PSD3: variants seen among roughly 807,000 people sequenced by gnomAD.
PSD3 encodes PH and SEC7 domain-containing protein 3.
A neutral mutation model predicts 105.5 loss-of-function variants in PSD3; 49 were observed. The ratio of observed to expected loss-of-function variants is 0.46; its 90% CI spans 0.37 to 0.59. The LOEUF (loss-of-function observed/expected upper bound fraction) is 0.59. Ranked by LOEUF, PSD3 falls within the 20% of genes least tolerant of loss-of-function variation. The pLI is 0.00. For missense variants in PSD3, 1,561 were observed against 1,263.8 expected (o/e 1.24, Z -3.57); for synonymous variants, 557 against 457.8 (o/e 1.22, Z -2.77).
chr8:18,901,236 A>T (rs1435775314), intron 2 of PSD3, among the ~76,000 whole-genome samples: 2 of 152,280 alleles, frequency 1.3e-5, no homozygotes, highest in African/African-American at 4.8e-5. Context: ...ATCTCCCAAA[A>T]AATTAAACAA....
intron 4 of PSD3, among the ~76,000 whole-genome samples, chr8:18,851,581 A>T (rs1371395221): frequency 6.6e-6 from 1 of 152,234 alleles, no homozygotes; most frequent in Non-Finnish European, 1.5e-5. Context: ...GCATGGCTGG[A>T]GCTAGACCTG....
chr8:18,865,960 C>T (rs552793683), intron 4 of PSD3, among the ~76,000 whole-genome samples: 6 of 152,328 alleles, frequency 3.9e-5, no homozygotes, highest in Non-Finnish European at 7.4e-5. Context: ...ACAAGCCGCA[C>T]ATTTAATAAA....
At chr8:18,736,262 C>G (rs1185032365) in intron 9 of PSD3, among the ~76,000 whole-genome samples, 5 of 152,144 alleles carry the variant, frequency 3.3e-5, no homozygotes, top group Non-Finnish European at 7.4e-5. Context: ...GAAGGCAAGA[C>G]ACTTAACTAC....
chr8:19,002,934 T>C (rs1288678724), intron 1 of PSD3, among the ~76,000 whole-genome samples: 1 of 152,024 alleles, frequency 6.6e-6, no homozygotes, highest in Non-Finnish European at 1.5e-5. Context: ...TGTGTGACTT[T>C]AAGAAGGGCA....
intron 1 of PSD3, 38 bp downstream of exon 1, chr8:19,013,525 T>C (rs775703247): frequency 2.7e-5 from 42 of 1,577,584 alleles, no homozygotes; most frequent in Non-Finnish European, 3.5e-5. Flanking sequence ...CGGCGCCGCG[T>C]GCGCACCCCG....
intron 8 of PSD3, among the ~76,000 whole-genome samples, chr8:18,793,179 G>A (rs182871890): frequency 6.6e-6 from 1 of 152,166 alleles, no homozygotes; most frequent in East Asian, 1.9e-4. Flanking sequence ...TCGTGGGGTG[G>A]GGAGAGGGAG....
chr8:18,836,290 C>T (rs1331406914), intron 4 of PSD3, among the ~76,000 whole-genome samples: 1 of 152,138 alleles, frequency 6.6e-6, no homozygotes, highest in African/African-American at 2.4e-5. Context: ...CTCAGGTGTT[C>T]CCTACAGTTA....
At position 18,867,839 on chromosome 8, in the gene PSD3, C is replaced by A. The variant is rs767623717; in HGVS notation, c.1469G>T (p.Gly490Val). 6.2e-7 allele frequency: 1 copy of A among 1,614,138 alleles called. No homozygotes were observed. Among genetic ancestry groups the A allele is most frequent in the Non-Finnish European group, 8.5e-7 (1 of 1,180,022 alleles). The change falls in exon 4 of 16, where the codon GGT becomes GTT. Residue 490 changes from glycine to valine, a missense_variant. Transcript: ENST00000327040. ...CCCTGATGTCCTCTCCAAGAACTGA[C>A]CACCTTCTTTAATGCGCTGTTGTAT... ...PMIQQRIKEGGQFLERTSGGG... is the reference protein window; with the variant it reads ...PMIQQRIKEGVQFLERTSGGG...
At chr8:18,959,323 G>A (rs1823767088) in intron 1 of PSD3, among the ~76,000 whole-genome samples, 1 of 152,082 alleles carries the variant, frequency 6.6e-6, no homozygotes, top group Non-Finnish European at 1.5e-5. Context: ...AACATCCAAA[G>A]CCAGAAGATG....
intron 1 of PSD3, among the ~76,000 whole-genome samples, chr8:19,025,576 A>G (rs116104363): frequency 3.2e-4 from 49 of 152,306 alleles, no homozygotes; most frequent in African/African-American, 1.1e-3. Flanking sequence ...AGGTCCTGCC[A>G]TCATTTGGGG....
chr8:18,575,267 T>C lies in PSD3; in HGVS notation c.2500A>G (p.Lys834Glu), dbSNP rs778133363. Residue 834 changes from lysine (K) to glutamate (E), a missense_variant, in exon 13 of 16, where the codon AAG becomes GAG. Coordinates refer to ENST00000327040, the MANE Select transcript of PSD3 (RefSeq NM_015310.4). ...TTCAAGTCCTCTTCAGACAAGGCCTTTTCTGGCTTGTATTCATCCTATAGA... is the reference window on the plus strand; with the variant it reads ...TTCAAGTCCTCTTCAGACAAGGCCTCTTCTGGCTTGTATTCATCCTATAGA... The part of the protein sequence containing the change: ...YLQKDEYKPE[K>E]ALSEEDLKNA... 4.3e-6 allele frequency: 7 copies of C among 1,611,012 alleles called. No individual in the cohort carries two copies. The highest frequency in any genetic ancestry group is 5.9e-6 in the Non-Finnish European group (7 of 1,178,488).
At position 18,998,565 on chromosome 8, in the gene PSD3, T is replaced by C. The variant is rs953264089; in HGVS notation, c.21+14998A>G. ...AGCTGGGTGTGGTGGCATGCACCTGTAGTCCCAGCTACTCAGGAGGCTGAG... is the reference window on the plus strand; with the variant it reads ...AGCTGGGTGTGGTGGCATGCACCTGCAGTCCCAGCTACTCAGGAGGCTGAG... On this transcript the variant is annotated intron_variant, in intron 1 of 15. Coordinates refer to ENST00000327040, the MANE Select transcript of PSD3 (RefSeq NM_015310.4). Among the ~76,000 whole-genome samples the C allele has an allele frequency of 1.1e-4, 16 of 151,978 alleles. 1 individual carries two copies. The highest frequency in any genetic ancestry group is 5.9e-4 in the Admixed American group (9 of 15,264).
At chr8:18,658,718 A>G (rs1809085653) in intron 9 of PSD3, among the ~76,000 whole-genome samples, 1 of 152,086 alleles carries the variant, frequency 6.6e-6, no homozygotes, top group Non-Finnish European at 1.5e-5. Context: ...AAAATCCTAC[A>G]GATTAGTTAA....
At chr8:18,910,946 A>T (rs1186541466) in intron 2 of PSD3, among the ~76,000 whole-genome samples, 1 of 152,026 alleles carries the variant, frequency 6.6e-6, no homozygotes, top group Non-Finnish European at 1.5e-5. Flanking sequence ...AAAATAAAAA[A>T]AAAAAAAATA....
chr8:18,830,095 G>A (rs1398573093), intron 4 of PSD3, among the ~76,000 whole-genome samples: 6 of 152,078 alleles, frequency 3.9e-5, no homozygotes, highest in Non-Finnish European at 2.9e-5. Flanking sequence ...AGCCTCCCGA[G>A]TAGCTGGGAC....
intron 9 of PSD3, among the ~76,000 whole-genome samples, chr8:18,761,537 A>G (rs1806536896): frequency 2.0e-5 from 3 of 152,238 alleles, no homozygotes; most frequent in Admixed American, 2.0e-4. Flanking sequence ...GACTATTAAG[A>G]GACAGAACCT....
chr8:18,893,838 G>C (rs530040702), intron 2 of PSD3, among the ~76,000 whole-genome samples: 6 of 152,266 alleles, frequency 3.9e-5, no homozygotes, highest in Non-Finnish European at 7.4e-5. Context: ...GTTCTGCCAC[G>C]GCTGCCATTC....
intron 9 of PSD3, among the ~76,000 whole-genome samples, chr8:18,731,837 T>A (rs1803773568): frequency 6.6e-6 from 1 of 152,060 alleles, no homozygotes; most frequent in Admixed American, 6.6e-5. Flanking sequence ...CTCCTTGGAG[T>A]GTCTGGGTCT....
chr8:18,752,604 ATATAATACAT>A (rs1805672692), intron 9 of PSD3, among the ~76,000 whole-genome samples: 9 of 83,958 alleles, frequency 1.1e-4, no homozygotes, highest in Non-Finnish European at 1.8e-4. Flanking sequence ...TATATATTAT[ATATAATACAT>A]ATAATATATA....
Sources: gnomAD v4.1 joint callset for allele counts (sites outside exome capture counted in the v4.1 genomes callset) on GRCh38, gnomAD v4.1.1 for gene constraint, MANE v1.5 for transcripts, NCBI Gene and HGNC (gene_info 2026-07-23, HGNC 2026-07-21) for gene names.